PDE6B: variants seen among roughly 807,000 people sequenced by gnomAD.
The protein encoded by PDE6B is rod cGMP-specific 3',5'-cyclic phosphodiesterase subunit beta.
In PDE6B, 106 loss-of-function variants were observed where a neutral mutation model predicts 109.0. That is an observed-to-expected ratio of 0.97 (90% CI 0.83 to 1.14). The LOEUF (loss-of-function observed/expected upper bound fraction) is 1.14, where lower values mean the gene tolerates loss of function less well. Ranked by LOEUF, PDE6B falls within the 50% of genes most tolerant of loss-of-function variation. The probability of loss-of-function intolerance (pLI) is 0.00; values close to 1 mark genes in which losing one functional copy is unlikely to be tolerated. For missense variants in PDE6B, 1,193 were observed against 1,155.6 expected (o/e 1.03, Z -0.47); for synonymous variants, 490 against 471.3 (o/e 1.04, Z -0.51).
intron 10 of PDE6B, among the ~76,000 whole-genome samples, chr4:657,888 G>T (rs1231943205): frequency 1.4e-5 from 2 of 145,024 alleles, no homozygotes; most frequent in African/African-American, 2.6e-5. Context: ...TCGTCCAGGG[G>T]TCACCCAGGG....
chr4:669,513 A>G (rs1182966401), intron 21 of PDE6B, among the ~76,000 whole-genome samples: 1 of 101,254 alleles, frequency 9.9e-6, no homozygotes, highest in Non-Finnish European at 2.0e-5. Context: ...TATTCCCACT[A>G]CCCCATGCTA....
intron 2 of PDE6B, among the ~76,000 whole-genome samples, chr4:635,645 C>T (rs148927838): frequency 2.1e-3 from 314 of 151,162 alleles, no homozygotes; most frequent in Non-Finnish European, 2.5e-3. Context: ...ATCTGCACAT[C>T]GCTGTGCTCC....
At chr4:664,761 G>A (rs1413566375) in intron 17 of PDE6B, 120 bp from the exon 18 acceptor site, 48 of 820,178 alleles carry the variant, frequency 5.9e-5, no homozygotes, top group Non-Finnish European at 8.7e-6. Flanking sequence ...AGCTGAGATT[G>A]CGCCATTGCA....
In PDE6B at chr4:661,974, C is replaced by A. The variant is rs895977186; in HGVS notation, c.1615-160C>A. 4.5e-6 allele frequency: 3 copies of A among 661,476 alleles called. No individual in the cohort carries two copies. The African/African-American group carries it at 5.3e-5, about 12-fold the overall frequency. 41.0% of individuals were successfully genotyped at this position (661,476 alleles called of 1,614,324 possible). A position where few individuals can be genotyped will look rare whatever the true frequency, so the allele number is the denominator to read the frequency against. ...CCTACCCAGGAAGGCCAGCAGAGGC[C>A]AGTGGGAAACGCAGGGATGGGGAAG... is the stretch of plus-strand genomic sequence containing the variant. On this transcript the variant is annotated intron_variant, in intron 12 of 21. Coordinates refer to ENST00000496514, the MANE Select transcript of PDE6B (RefSeq NM_000283.4).
At chr4:646,138 A>G (rs1171282552) in intron 3 of PDE6B, among the ~76,000 whole-genome samples, 1 of 151,952 alleles carries the variant, frequency 6.6e-6, no homozygotes, top group East Asian at 1.9e-4. Context: ...TTTCCAAGGA[A>G]CTTCTTTGAA....
intron 7 of PDE6B, 114 bp from the exon 8 acceptor site, chr4:656,131 C>T: frequency 2.0e-6 from 2 of 1,005,384 alleles, no homozygotes; most frequent in East Asian, 2.4e-5. Flanking sequence ...GTGAAGCCCC[C>T]AGCTGCCCTG....
chr4:629,194 C>T (rs1405588785), intron 1 of PDE6B, among the ~76,000 whole-genome samples: 1 of 152,144 alleles, frequency 6.6e-6, no homozygotes, highest in African/African-American at 2.4e-5. Context: ...GAGGGAGGAG[C>T]GAGTGGGCCT....
intron 17 of PDE6B, among the ~76,000 whole-genome samples, 161 bp downstream of exon 17, chr4:664,382 TC>T (rs1285072248): frequency 6.6e-6 from 1 of 151,986 alleles, no homozygotes; most frequent in East Asian, 1.9e-4. Flanking sequence ...CGTCCTTATT[TC>T]CCCCCAGCTC....
chr4:656,033 C>G (rs767207149), intron 7 of PDE6B, 27 bp downstream of exon 7: 7 of 1,462,912 alleles, frequency 4.8e-6, no homozygotes, highest in Non-Finnish European at 6.7e-6. Context: ...CTGGAGTCCC[C>G]ACAGCCTTGC....
intron 10 of PDE6B, among the ~76,000 whole-genome samples, chr4:658,335 T>G (rs1286784236): frequency 9.7e-6 from 1 of 103,344 alleles, no homozygotes. Context: ...CCAAGGGTCA[T>G]GGCTGTGTGG....
At position 666,881 on chromosome 4, in the gene PDE6B, C is replaced by T. The variant is rs1214751925; in HGVS notation, c.2352+267C>T. ...CTTTCCCAGCCCAGAATGTCCTCTG[C>T]TAGCCTCCAGGCCTACCCCAGAAGT... On this transcript the variant is annotated intron_variant, in intron 20 of 21. Coordinates refer to ENST00000496514, the MANE Select transcript of PDE6B (RefSeq NM_000283.4). The surrounding 1 kb of genome is among the most constrained non-coding windows in gnomAD (Gnocchi z 5.6). 3.3e-5 allele frequency among the ~76,000 whole-genome samples: 5 copies of T among 152,362 alleles called. No homozygotes were observed. The highest frequency in any genetic ancestry group is 1.2e-4 in the African/African-American group (5 of 41,588).
In PDE6B at chr4:636,254, T is replaced by C. The variant is rs1488692069; in HGVS notation, c.711+285T>C. ...TCCTAGAGGCTGCCCCCAACCTCCT[T>C]GGGAGAAGCCAGTATGAGTGACGAG... is the stretch of plus-strand genomic sequence containing the variant. On this transcript the variant is annotated intron_variant, in intron 3 of 21. Transcript: ENST00000496514. This position sits in a 1 kb window ranked among gnomAD's most constrained non-coding sequence, Gnocchi z 4.5. Among the ~76,000 whole-genome samples, 1 of 152,122 alleles carries C rather than the reference T, an allele frequency of 6.6e-6. No individual in the cohort carries two copies. Among genetic ancestry groups the C allele is most frequent in the African/African-American group, 2.4e-5 (1 of 41,418 alleles).
At chr4:652,005 T>TCCACGACGGTGACTGCGGCCAGGGCGGCA in intron 3 of PDE6B, 1 of 179,546 alleles carries the variant, frequency 5.6e-6, no homozygotes, top group Non-Finnish European at 1.2e-5. Flanking sequence ...CCAGGGCGGC[T>TCCACGACGGTGACTGCGGCCAGGGCGGCA]CCACGACGGT....
Position 663,984 on chromosome 4 carries a change from T to C in PDE6B, c.2021+114T>C, listed in dbSNP as rs1051798276. The C allele has an allele frequency of 5.4e-6, 6 of 1,102,818 alleles. No homozygotes were observed. Among genetic ancestry groups the C allele is most frequent in the African/African-American group, 4.6e-5 (3 of 64,526 alleles). 68.3% of individuals were successfully genotyped at this position (1,102,818 alleles called of 1,614,324 possible). ...CCGGGGGACGCAGCCCCGGATTCCGTCCCTGCCCGCCGGCCCCGCGCACCC... is the reference window on the plus strand; with the variant it reads ...CCGGGGGACGCAGCCCCGGATTCCGCCCCTGCCCGCCGGCCCCGCGCACCC... On this transcript the variant is annotated intron_variant, in intron 16 of 21. Coordinates refer to ENST00000496514, the MANE Select transcript of PDE6B (RefSeq NM_000283.4). The surrounding 1 kb of genome is among the most constrained non-coding windows in gnomAD (Gnocchi z 4.0).
chr4:664,944 G>C lies in PDE6B; in HGVS notation c.2193G>C (p.Lys731Asn). The C allele has an allele frequency of 6.2e-7, 1 of 1,611,464 alleles. No homozygotes were observed. The highest frequency in any genetic ancestry group is 8.5e-7 in the Non-Finnish European group (1 of 1,178,368). ...AITKPWEVQS[K>N]VALLVAAEFW... is the part of the protein sequence containing the mutation. ...CCAAGCCCTGGGAAGTCCAGAGCAA[G>C]GTTAGAACAGAGGGCCCTCCAGACC... The change falls in exon 18 of 22, where the codon AAG becomes AAC. Residue 731 changes from lysine (K) to asparagine (N), a missense_variant and splice_region_variant. Transcript: ENST00000496514.
Position 639,885 on chromosome 4 carries a change from C to T in PDE6B, c.711+3916C>T, listed in dbSNP as rs187136543. ...ACTCGGGAGGCTGAGGCAGGAGAAT[C>T]GCTTGAACCCAGGAGCTGGGTCTCC... On this transcript the variant is annotated intron_variant, in intron 3 of 21. Transcript: ENST00000496514. Among the ~76,000 whole-genome samples, 5 of 152,270 alleles carry T rather than the reference C, an allele frequency of 3.3e-5. No homozygotes were observed. The East Asian group carries it at 5.8e-4, about 18-fold the overall frequency.
intron 3 of PDE6B, 99 bp from the exon 4 acceptor site, chr4:653,753 C>T (rs771411542): frequency 3.5e-5 from 46 of 1,311,478 alleles, no homozygotes; most frequent in Admixed American, 5.1e-5. Context: ...GATCAGGGAG[C>T]GCACCTGTGT....
At chr4:635,740 A>G (rs1577246863) in intron 2 of PDE6B, 140 bp from the exon 3 acceptor site, 2 of 704,910 alleles carry the variant, frequency 2.8e-6, no homozygotes, top group South Asian at 3.0e-5. Context: ...GTGTGTGCCA[A>G]TCCATGTCTG....
chr4:666,682 G>A lies in PDE6B; in HGVS notation c.2352+68G>A, dbSNP rs1471092009. 2 of 1,059,278 alleles carry A rather than the reference G, an allele frequency of 1.9e-6. No homozygotes were observed. Among genetic ancestry groups the A allele is most frequent in the Admixed American group, 1.7e-5 (1 of 58,554 alleles). 65.6% of individuals were successfully genotyped at this position (1,059,278 alleles called of 1,614,324 possible). A position where few individuals can be genotyped will look rare whatever the true frequency, so the allele number is the denominator to read the frequency against. On this transcript the variant is annotated intron_variant, in intron 20 of 21. Transcript: ENST00000496514. The surrounding 1 kb of genome is among the most constrained non-coding windows in gnomAD (Gnocchi z 5.6). ...GCTGGGAGCAGGCAAGGGGGCGCGG[G>A]CTGGAGTCGCGTGGACTCACACGGG...
Sources: gnomAD v4.1 joint callset for allele counts (sites outside exome capture counted in the v4.1 genomes callset) on GRCh38, gnomAD v4.1.1 for gene constraint, Gnocchi (gnomAD v3.1) non-coding constraint, MANE v1.5 for transcripts, NCBI Gene and HGNC (gene_info 2026-07-23, HGNC 2026-07-21) for gene names.